FBXO34: variants seen among roughly 807,000 people sequenced by gnomAD.
The protein encoded by FBXO34 is F-box only protein 34.
A neutral mutation model predicts 24.5 loss-of-function variants in FBXO34; 12 were observed. The observed-to-expected ratio is 0.49, with a 90% CI of 0.31 to 0.79. The LOEUF (loss-of-function observed/expected upper bound fraction) is 0.79, where lower values mean the gene tolerates loss of function less well. FBXO34 is among the 30% of genes least tolerant of loss of function. FBXO34 has a pLI of 0.04. For missense variants in FBXO34, 823 were observed against 857.7 expected, an observed-to-expected ratio of 0.96 and a Z score of 0.51; for synonymous variants, 320 against 311.9, an observed-to-expected ratio of 1.03 and a Z score of -0.27.
the FBXO34 span, among the ~76,000 whole-genome samples, chr14:55,432,313 C>T: frequency 4.0e-5 from 6 of 150,664 alleles, no homozygotes; most frequent in South Asian, 4.2e-4. Flanking sequence ...CTTAAGAGGC[C>T]GAGCTGGAAG....
chr14:55,377,738 A>G, the FBXO34 span: 1 of 1,019,816 alleles, frequency 9.8e-7, no homozygotes, highest in East Asian at 2.4e-5. Context: ...ATTAGGGAAC[A>G]CGACTCTACT....
chr14:55,433,914 A>G, the FBXO34 span, among the ~76,000 whole-genome samples: 1 of 152,216 alleles, frequency 6.6e-6, no homozygotes, highest in African/African-American at 2.4e-5. Flanking sequence ...GGTAAAAATA[A>G]TATCAGTAAC....
intron 1 of FBXO34, among the ~76,000 whole-genome samples, chr14:55,291,848 C>T (rs1479559700): frequency 6.6e-6 from 1 of 152,046 alleles, no homozygotes; most frequent in Non-Finnish European, 1.5e-5. Context: ...CCTGTAGTCC[C>T]AGCTATGTGG....
At chr14:55,325,018 T>C (rs1201898072) in intron 1 of FBXO34, among the ~76,000 whole-genome samples, 2 of 152,144 alleles carry the variant, frequency 1.3e-5, no homozygotes, top group Admixed American at 6.6e-5. Flanking sequence ...TCACAAAGGC[T>C]CCATCCTTAT....
chr14:55,426,283 A>G, the FBXO34 span, among the ~76,000 whole-genome samples: 1 of 151,952 alleles, frequency 6.6e-6, no homozygotes, highest in African/African-American at 2.4e-5. Flanking sequence ...AAAAAAATAA[A>G]TAAATAAAAT....
the FBXO34 span, among the ~76,000 whole-genome samples, chr14:55,403,228 GT>G: frequency 3.9e-5 from 6 of 151,926 alleles, no homozygotes; most frequent in African/African-American, 1.5e-4. Context: ...AAAGCAGTGG[GT>G]ACAGATGCTT....
exon 4 of FBXO34, chr14:55,361,748 C>T (rs1333709044): frequency 6.6e-6 from 1 of 152,254 alleles, no homozygotes; most frequent in Non-Finnish European, 1.5e-5. Context: ...GCTTCTTACA[C>T]CTCATGAGCC....
At chr14:55,398,549 A>C in the FBXO34 span, among the ~76,000 whole-genome samples, 4 of 152,264 alleles carry the variant, frequency 2.6e-5, no homozygotes, top group Admixed American at 2.0e-4. Flanking sequence ...CATATTGTTT[A>C]ATTTTCAGAT....
chr14:55,374,198 GTTTT>G (rs1188241323), downstream of FBXO34, among the ~76,000 whole-genome samples: 5 of 150,564 alleles, frequency 3.3e-5, no homozygotes, highest in South Asian at 4.3e-4. Flanking sequence ...TGCATTTTAA[GTTTT>G]TTATTATTTT....
chr14:55,404,574 T>C, the FBXO34 span, among the ~76,000 whole-genome samples: 1 of 152,322 alleles, frequency 6.6e-6, no homozygotes. Context: ...ATGAAAACTC[T>C]TTTGCATTAT....
intron 1 of FBXO34, among the ~76,000 whole-genome samples, chr14:55,291,510 A>T (rs1202947023): frequency 6.6e-6 from 1 of 152,198 alleles, no homozygotes; most frequent in Non-Finnish European, 1.5e-5. Context: ...ACAGGAAAAC[A>T]GGGTAATAAT....
downstream of FBXO34, among the ~76,000 whole-genome samples, chr14:55,372,072 A>C (rs933035045): frequency 6.6e-6 from 1 of 151,542 alleles, no homozygotes; most frequent in Non-Finnish European, 1.5e-5. Context: ...ATCTTTTCCG[A>C]TTCCTCTCCT....
In FBXO34 at chr14:55,350,619, A is replaced by G; in HGVS notation, c.229A>G (p.Ser77Gly). ...PNVLCSMSGKSPVESSLNVKT... is the reference protein window; with the variant it reads ...PNVLCSMSGKGPVESSLNVKT... ...TGTTCTGTGCAGTATGAGTGGGAAGAGTCCTGTAGAGAGCAGCTTGAATGT... is the reference window on the plus strand; with the variant it reads ...TGTTCTGTGCAGTATGAGTGGGAAGGGTCCTGTAGAGAGCAGCTTGAATGT... Residue 77 changes from serine (S) to glycine (G), a missense_variant, in exon 2 of 2, where the codon AGT becomes GGT. By Grantham distance (56) the Ser-to-Gly change is moderately conservative (BLOSUM62 0). Coordinates refer to ENST00000313833, the MANE Select transcript of FBXO34 (RefSeq NM_017943.4). 1 of 1,612,490 alleles carries G rather than the reference A, an allele frequency of 6.2e-7. No homozygotes were observed.
chr14:55,380,754 C>T, the FBXO34 span: 25 of 1,051,230 alleles, frequency 2.4e-5, no homozygotes, highest in East Asian at 4.2e-4. Context: ...TAATAATCCA[C>T]GAGTTTATCA....
intron 1 of FBXO34, among the ~76,000 whole-genome samples, chr14:55,285,839 G>A (rs1466045683): frequency 4.6e-5 from 7 of 152,158 alleles, no homozygotes; most frequent in Non-Finnish European, 8.8e-5. Context: ...ACATGTTGGT[G>A]TTACTGAAGT....
At chr14:55,427,879 GCT>G in the FBXO34 span, among the ~76,000 whole-genome samples, 1 of 145,868 alleles carries the variant, frequency 6.9e-6, no homozygotes, top group African/African-American at 2.5e-5. Context: ...AGTTAGGATT[GCT>G]TTTTTTTTTT....
chr14:55,384,281 C>G, the FBXO34 span, among the ~76,000 whole-genome samples: 2 of 152,206 alleles, frequency 1.3e-5, no homozygotes, highest in African/African-American at 4.8e-5. Context: ...TGAAAAAAGT[C>G]AGCCTTACAG....
intron 1 of FBXO34, among the ~76,000 whole-genome samples, chr14:55,281,991 CTTTTTTTTTT>C (rs372305828): frequency 3.4e-4 from 22 of 65,136 alleles, no homozygotes; most frequent in African/African-American, 1.5e-3. Flanking sequence ...TTAAATTTAG[CTTTTTTTTTT>C]TTTTTTTTTT....
downstream of FBXO34, among the ~76,000 whole-genome samples, chr14:55,362,653 T>C (rs925026635): frequency 6.6e-6 from 1 of 152,164 alleles, no homozygotes; most frequent in African/African-American, 2.4e-5. Context: ...CTAGACTTAG[T>C]CCTCTTTATT....
Sources: gnomAD v4.1 joint callset for allele counts (sites outside exome capture counted in the v4.1 genomes callset) on GRCh38, gnomAD v4.1.1 for gene constraint, MANE v1.5 for transcripts, NCBI Gene and HGNC (gene_info 2026-07-23, HGNC 2026-07-21) for gene names.